RAP1B: variants seen among roughly 807,000 people sequenced by gnomAD.
RAP1B encodes the protein RAP1B, member of RAS oncogene family, also known as ras-related protein Rap-1b.
Under a neutral mutation model 27.5 loss-of-function variants are expected in RAP1B, and 1 was observed. That is an observed-to-expected ratio of 0.04 (90% CI 0.01 to 0.17). The LOEUF is 0.17. Among genes scored for constraint, RAP1B ranks in the 10% least tolerant of loss-of-function variants. The pLI is 1.00. For synonymous variants in RAP1B, 75 were observed against 73.1 expected, an observed-to-expected ratio of 1.03 and a Z score of -0.13; for missense variants, 84 against 214.8, an observed-to-expected ratio of 0.39 and a Z score of 3.81.
In RAP1B at chr12:68,671,329, TCTA is replaced by T. The variant is rs1339675485; in HGVS notation, c.*12086_*12088del. 1.3e-5 allele frequency: 2 copies of T among 148,874 alleles called. No homozygotes were observed. Among genetic ancestry groups the T allele is most frequent in the Non-Finnish European group, 3.0e-5 (2 of 66,826 alleles). 9.2% of individuals were successfully genotyped at this position (148,874 alleles called of 1,614,324 possible). A position where few individuals can be genotyped will look rare whatever the true frequency, so the allele number is the denominator to read the frequency against. On this transcript the variant is annotated 3_prime_UTR_variant, in exon 8 of 8. Transcript: ENST00000250559. ...TTAAATATGCATATTTGACCTCAAT[TCTA>T]CTACTGATATCTACACCAAGGAAAT...
intron 1 of RAP1B, among the ~76,000 whole-genome samples, chr12:68,614,639 A>C (rs545855800): frequency 6.6e-6 from 1 of 152,308 alleles, no homozygotes; most frequent in South Asian, 2.1e-4. Flanking sequence ...ATGGTCTAAG[A>C]GATTAGGCTG....
At chr12:68,632,916 C>CA (rs918799150) in intron 1 of RAP1B, among the ~76,000 whole-genome samples, 1 of 152,118 alleles carries the variant, frequency 6.6e-6, no homozygotes, top group African/African-American at 2.4e-5. Context: ...GCAGTCCTCC[C>CA]ACTCAAGCAA....
chr12:68,664,043 G>GT lies in RAP1B; in HGVS notation c.*4798dup, dbSNP rs779092160. ...GTACGAAGACAGTTTTTACTATGTT[G>GT]TTTTACTATGAACCTAGTTTAACCT... On this transcript the variant is annotated 3_prime_UTR_variant, in exon 8 of 8. Transcript: ENST00000250559. 2.6e-5 allele frequency: 4 copies of GT among 152,026 alleles called. No individual in the cohort carries two copies. The South Asian group carries it at 6.3e-4, about 24-fold the overall frequency. 9.4% of individuals were successfully genotyped at this position (152,026 alleles called of 1,614,324 possible).
rs1874608908 is a variant in RAP1B, at chr12:68,661,854, T to A, written c.*2605T>A. On this transcript the variant is annotated 3_prime_UTR_variant, in exon 8 of 8. Coordinates refer to ENST00000250559, the MANE Select transcript of RAP1B (RefSeq NM_001010942.3). ...CTATATAGTGAATAAGAATATAAAG[T>A]TTGGAGCCAGACTTCCTGGGTTTTT... The A allele has an allele frequency of 6.6e-6, 1 of 151,816 alleles. No individual in the cohort carries two copies. The highest frequency in any genetic ancestry group is 2.4e-5 in the African/African-American group (1 of 41,312). 9.4% of individuals were successfully genotyped at this position (151,816 alleles called of 1,614,324 possible).
chr12:68,634,580 T>G (rs1405768088), intron 1 of RAP1B, among the ~76,000 whole-genome samples: 1 of 149,234 alleles, frequency 6.7e-6, no homozygotes, highest in East Asian at 2.1e-4. Context: ...TGAGCCTATA[T>G]TATTATTTTT....
At position 68,666,909 on chromosome 12, in the gene RAP1B, T is replaced by G. The variant is rs1453605047; in HGVS notation, c.*7660T>G. 6.6e-6 allele frequency: 1 copy of G among 152,158 alleles called. No homozygotes were observed. Among genetic ancestry groups the G allele is most frequent in the East Asian group, 1.9e-4 (1 of 5,192 alleles). The allele number at this position is 152,158 out of a possible 1,614,324, so 9.4% of individuals were successfully genotyped here. A position where few individuals can be genotyped will look rare whatever the true frequency, so the allele number is the denominator to read the frequency against. On this transcript the variant is annotated 3_prime_UTR_variant, in exon 8 of 8. Transcript: ENST00000250559. ...CTCTACAAGGATTCTGAGGGAAGTCTGGGATTAGGTGAGACTTTAATGAGT... is the reference window on the plus strand; with the variant it reads ...CTCTACAAGGATTCTGAGGGAAGTCGGGGATTAGGTGAGACTTTAATGAGT...
intron 1 of RAP1B, among the ~76,000 whole-genome samples, chr12:68,623,726 A>G (rs1387568762): frequency 6.6e-6 from 1 of 152,268 alleles, no homozygotes; most frequent in African/African-American, 2.4e-5. Context: ...GAATTTCTAT[A>G]AGAAGTCGGT....
At chr12:68,649,866 A>G (rs1873685395) in intron 2 of RAP1B, 1 of 152,304 alleles carries the variant, frequency 6.6e-6, no homozygotes, top group Admixed American at 6.5e-5. Flanking sequence ...TAATCCCAGC[A>G]CTTTGGGAGG....
At chr12:68,623,394 A>C (rs1199916644) in intron 1 of RAP1B, among the ~76,000 whole-genome samples, 1 of 152,224 alleles carries the variant, frequency 6.6e-6, no homozygotes, top group Non-Finnish European at 1.5e-5. Flanking sequence ...ACAGAAATTG[A>C]AGTAAATTCA....
At chr12:68,655,797 A>T (rs1045983210) in intron 5 of RAP1B, among the ~76,000 whole-genome samples, 1 of 152,166 alleles carries the variant, frequency 6.6e-6, no homozygotes, top group Non-Finnish European at 1.5e-5. Flanking sequence ...CGGCCTCCCA[A>T]AGTGCTGGGA....
chr12:68,636,044 A>AT (rs751155194), intron 1 of RAP1B, among the ~76,000 whole-genome samples: 3,550 of 141,612 alleles, frequency 0.025, 49 homozygotes, highest in Middle Eastern at 0.047. Flanking sequence ...ACATTCGAGT[A>AT]TTTTTTTTTT....
chr12:68,619,454 A>G (rs1033726921), intron 1 of RAP1B, among the ~76,000 whole-genome samples: 2 of 152,224 alleles, frequency 1.3e-5, no homozygotes, highest in Non-Finnish European at 2.9e-5. Flanking sequence ...TATAAAAATC[A>G]TACATGGGTA....
chr12:68,651,922 A>C, intron 3 of RAP1B, 73 bp from the exon 4 acceptor site: 1 of 1,151,006 alleles, frequency 8.7e-7, no homozygotes, highest in East Asian at 2.4e-5. Context: ...TTGATACATT[A>C]GCTTTTTTGT....
At chr12:68,647,382 T>TCCCCCCCCC (rs1565670496) in intron 1 of RAP1B, among the ~76,000 whole-genome samples, 1 of 1,932 alleles carries the variant, frequency 5.2e-4, no homozygotes. Context: ...CCCACTCCAC[T>TCCCCCCCCC]CCCCGCCCCC....
chr12:68,655,731 TC>T (rs1256625076), intron 5 of RAP1B, among the ~76,000 whole-genome samples: 1 of 152,148 alleles, frequency 6.6e-6, no homozygotes, highest in Non-Finnish European at 1.5e-5. Context: ...AAACAGGGTT[TC>T]GCCATGTTGG....
chr12:68,648,795 A>G lies in RAP1B; in HGVS notation c.57+14A>G, dbSNP rs558885571. The G allele has an allele frequency of 3.7e-6, 6 of 1,603,798 alleles. No individual in the cohort carries two copies. In the South Asian group the frequency reaches 6.7e-5, roughly 18 times the overall value. On this transcript the variant is annotated intron_variant, in intron 2 of 7. Transcript: ENST00000250559. ...AAGTCTGCTTTGGTAAGTCATTCTTACTTTACCTAAGCCTTTCACTCCAAG... is the reference window on the plus strand; with the variant it reads ...AAGTCTGCTTTGGTAAGTCATTCTTGCTTTACCTAAGCCTTTCACTCCAAG...
intron 1 of RAP1B, among the ~76,000 whole-genome samples, chr12:68,647,773 T>C (rs990725524): frequency 1.3e-5 from 2 of 152,086 alleles, no homozygotes; most frequent in Non-Finnish European, 2.9e-5. Flanking sequence ...CATTTTTGAT[T>C]GCCTGAGTTT....
chr12:68,620,415 G>T (rs966372542), intron 1 of RAP1B, among the ~76,000 whole-genome samples: 1 of 151,750 alleles, frequency 6.6e-6, no homozygotes, highest in Admixed American at 6.6e-5. Context: ...TAGAGACAGG[G>T]TTTCACCATA....
chr12:68,640,168 A>G (rs1220859692), intron 1 of RAP1B, among the ~76,000 whole-genome samples: 1 of 152,132 alleles, frequency 6.6e-6, no homozygotes, highest in East Asian at 1.9e-4. Context: ...GCTCAACAGG[A>G]CAAAGCCTAA....
Sources: gnomAD v4.1 joint callset for allele counts (sites outside exome capture counted in the v4.1 genomes callset) on GRCh38, gnomAD v4.1.1 for gene constraint, MANE v1.5 for transcripts, NCBI Gene and HGNC (gene_info 2026-07-23, HGNC 2026-07-21) for gene names.